RAI14: variants seen among roughly 807,000 people sequenced by gnomAD.
RAI14 encodes the protein ankycorbin.
Under a neutral mutation model 115.4 loss-of-function variants are expected in RAI14, and 45 were observed. The observed-to-expected ratio is 0.39, with a 90% confidence interval of 0.31 to 0.50. The LOEUF is 0.50. Ranked by LOEUF, RAI14 falls within the 20% of genes least tolerant of loss-of-function variation. The pLI is 0.85. For synonymous variants in RAI14, 371 were observed against 415.4 expected (o/e 0.89, Z 1.30); for missense variants, 939 against 1,131.2 (o/e 0.83, Z 2.44).
chr5:34,807,705 A>C, intron 5 of RAI14, 95 bp from the exon 6 acceptor site: 1 of 967,196 alleles, frequency 1.0e-6, no homozygotes, highest in East Asian at 2.4e-5. Context: ...TAGTCTTCCT[A>C]ATAAGTCACA....
chr5:34,683,928 C>T (rs753630039), intron 1 of RAI14, among the ~76,000 whole-genome samples: 1 of 152,130 alleles, frequency 6.6e-6, no homozygotes, highest in Non-Finnish European at 1.5e-5. Flanking sequence ...GGGGTTTCAC[C>T]GTGTTAGCCA....
intron 2 of RAI14, among the ~76,000 whole-genome samples, chr5:34,751,601 C>G (rs1435468676): frequency 6.6e-6 from 1 of 152,096 alleles, no homozygotes; most frequent in Non-Finnish European, 1.5e-5. Flanking sequence ...GCTGTTGTAC[C>G]TAGTTGTAGT....
intron 2 of RAI14, among the ~76,000 whole-genome samples, chr5:34,731,142 C>T (rs945990821): frequency 1.3e-5 from 2 of 152,142 alleles, no homozygotes; most frequent in Non-Finnish European, 2.9e-5. Context: ...AAGGGAAATA[C>T]AACAAAATGC....
Position 34,686,962 on chromosome 5 carries a change from A to G in RAI14, c.36+7A>G. 1 of 1,613,628 alleles carries G rather than the reference A, an allele frequency of 6.2e-7. No homozygotes were observed. On this transcript the variant is annotated splice_region_variant and intron_variant, in intron 2 of 17. Coordinates refer to ENST00000265109, the MANE Select transcript of RAI14 (RefSeq NM_015577.3). The stretch of plus-strand genomic sequence containing the variant: ...GAAGTTCAGGAAGAGTGACGTGAGT[A>G]TGCGGTGACTCACAGTCTGGCTGTT...
chr5:34,810,573 G>T (rs1205369794), intron 7 of RAI14, among the ~76,000 whole-genome samples: 1 of 152,152 alleles, frequency 6.6e-6, no homozygotes, highest in Admixed American at 6.5e-5. Flanking sequence ...AAGTGGAATG[G>T]CAGGATATAT....
intron 10 of RAI14, among the ~76,000 whole-genome samples, chr5:34,813,197 TA>T (rs1390587223): frequency 6.6e-6 from 1 of 152,172 alleles, no homozygotes; most frequent in East Asian, 1.9e-4. Flanking sequence ...TTATAGTCTT[TA>T]AAAAAAGGAA....
At chr5:34,664,921 A>G (rs969623936) in intron 1 of RAI14, among the ~76,000 whole-genome samples, 9 of 146,908 alleles carry the variant, frequency 6.1e-5, no homozygotes, top group Non-Finnish European at 1.0e-4. Flanking sequence ...ATAATCTCCA[A>G]TCTCATCCAG....
intron 2 of RAI14, among the ~76,000 whole-genome samples, chr5:34,752,453 G>A (rs945157656): frequency 5.9e-5 from 9 of 151,948 alleles, no homozygotes; most frequent in Admixed American, 4.6e-4. Context: ...ACCAGGATGC[G>A]ATATTTCATC....
chr5:34,801,764 G>C (rs1754298521), intron 4 of RAI14, among the ~76,000 whole-genome samples: 1 of 152,002 alleles, frequency 6.6e-6, no homozygotes, highest in South Asian at 2.1e-4. Flanking sequence ...TGGGGCCTGG[G>C]CCACCATCAT....
intron 2 of RAI14, among the ~76,000 whole-genome samples, chr5:34,717,130 A>G (rs1742095897): frequency 6.6e-6 from 1 of 152,196 alleles, no homozygotes; most frequent in Non-Finnish European, 1.5e-5. Flanking sequence ...TGCATTTAGT[A>G]GGATAAAACA....
At chr5:34,813,515 C>G in intron 10 of RAI14, 59 bp from the exon 11 acceptor site, 2 of 1,240,686 alleles carry the variant, frequency 1.6e-6, no homozygotes, top group Non-Finnish European at 2.3e-6. Flanking sequence ...AAGCTACTTG[C>G]CCAGACTTTA....
At chr5:34,677,056 A>G (rs957910731) in intron 1 of RAI14, among the ~76,000 whole-genome samples, 3 of 152,238 alleles carry the variant, frequency 2.0e-5, no homozygotes, top group Admixed American at 2.0e-4. Flanking sequence ...TAAGATTTAT[A>G]AGATAGTAAT....
chr5:34,744,374 A>C (rs1745912576), intron 2 of RAI14, among the ~76,000 whole-genome samples: 1 of 152,148 alleles, frequency 6.6e-6, no homozygotes, highest in Admixed American at 6.5e-5. Flanking sequence ...TGTAACTACA[A>C]ATTTTATATT....
chr5:34,806,509 G>A (rs748204339), intron 5 of RAI14, among the ~76,000 whole-genome samples: 1 of 152,172 alleles, frequency 6.6e-6, no homozygotes, highest in Non-Finnish European at 1.5e-5. Context: ...CTAGAAAAGG[G>A]TGTCGGGAAC....
At chr5:34,690,502 G>A (rs1738442516) in intron 2 of RAI14, among the ~76,000 whole-genome samples, 1 of 152,244 alleles carries the variant, frequency 6.6e-6, no homozygotes, top group Admixed American at 6.5e-5. Context: ...AACATAGGAT[G>A]AAAGTGGCCC....
rs190716589 is a variant in RAI14, at chr5:34,825,328, A to G, written c.2649+837A>G. On this transcript the variant is annotated intron_variant, in intron 15 of 17. Coordinates refer to ENST00000265109, the MANE Select transcript of RAI14 (RefSeq NM_015577.3). ...CTTCGGCCACTTCTCCTTATACTAAAGCATTTTCATATATCTGTCCTTTAA... is the reference window on the plus strand; with the variant it reads ...CTTCGGCCACTTCTCCTTATACTAAGGCATTTTCATATATCTGTCCTTTAA... 2.4e-3 allele frequency among the ~76,000 whole-genome samples: 360 copies of G among 152,304 alleles called. 1 individual carries two copies. The highest frequency in any genetic ancestry group is 8.4e-3 in the African/African-American group (351 of 41,562).
At chr5:34,814,715 A>AG in intron 12 of RAI14, 46 bp downstream of exon 12, 1 of 1,393,776 alleles carries the variant, frequency 7.2e-7, no homozygotes, top group Non-Finnish European at 1.0e-6. Flanking sequence ...TTTAAGATAC[A>AG]TGATAGACTT....
At chr5:34,665,131 G>GTA (rs1285449554) in intron 1 of RAI14, among the ~76,000 whole-genome samples, 1 of 57,556 alleles carries the variant, frequency 1.7e-5, no homozygotes, top group South Asian at 8.5e-4. Flanking sequence ...ATATGTATGT[G>GTA]TATATATATA....
chr5:34,747,680 T>C (rs924106198), intron 2 of RAI14, among the ~76,000 whole-genome samples: 2 of 152,248 alleles, frequency 1.3e-5, no homozygotes, highest in African/African-American at 4.8e-5. Flanking sequence ...TGCTTTGACT[T>C]CTTGTGACAT....
Sources: allele counts gnomAD v4.1 joint callset (sites outside exome capture counted in the v4.1 genomes callset), GRCh38; gene constraint gnomAD v4.1.1; transcripts MANE v1.5; gene names NCBI Gene and HGNC (gene_info 2026-07-23, HGNC 2026-07-21).